The following ATAD1 variants were observed in gnomAD, a reference collection of about 807,000 sequenced individuals.
The protein encoded by ATAD1 is ATPase family AAA domain containing 1, also known as outer mitochondrial transmembrane helix translocase.
A neutral mutation model predicts 42.7 loss-of-function variants in ATAD1; 18 were observed. That is an observed-to-expected ratio of 0.42 (90% confidence interval 0.29 to 0.63). The LOEUF (loss-of-function observed/expected upper bound fraction) is 0.63, where lower values mean the gene tolerates loss of function less well. Among genes scored for constraint, ATAD1 ranks in the 20% least tolerant of loss-of-function variants. ATAD1 has a pLI of 0.19. For synonymous variants in ATAD1, 132 were observed against 143.1 expected (o/e 0.92, Z 0.55); for missense variants, 294 against 440.4 (o/e 0.67, Z 2.98).
At chr10:87,772,447 TAAAAA>T (rs1271829833) in intron 6 of ATAD1, among the ~76,000 whole-genome samples, 2 of 151,722 alleles carry the variant, frequency 1.3e-5, no homozygotes, top group Non-Finnish European at 2.9e-5. Context: ...ATAAAATTAA[TAAAAA>T]AGAAAAAATT....
At chr10:87,836,812 T>C (rs928219436) in intron 1 of ATAD1, among the ~76,000 whole-genome samples, 1 of 152,182 alleles carries the variant, frequency 6.6e-6, no homozygotes, top group Non-Finnish European at 1.5e-5. Context: ...ATATCATAAA[T>C]GTTAGATATT....
At chr10:87,824,681 T>C (rs1300467978) in intron 1 of ATAD1, among the ~76,000 whole-genome samples, 1 of 152,224 alleles carries the variant, frequency 6.6e-6, no homozygotes, top group African/African-American at 2.4e-5. Context: ...AGGACAATGA[T>C]CTTTTCATAT....
upstream of ATAD1, among the ~76,000 whole-genome samples, chr10:87,822,950 G>GA (rs962059195): frequency 3.2e-4 from 47 of 148,584 alleles, no homozygotes; most frequent in South Asian, 3.2e-3. Context: ...TTTAAAAAAT[G>GA]AAAAAAAAGC....
chr10:87,837,065 A>T (rs771763360), intron 1 of ATAD1, among the ~76,000 whole-genome samples: 1 of 151,976 alleles, frequency 6.6e-6, no homozygotes, highest in Non-Finnish European at 1.5e-5. Context: ...GAACTTTTTA[A>T]TCTTACGTTC....
At chr10:87,772,050 C>G (rs1855057989) in intron 6 of ATAD1, among the ~76,000 whole-genome samples, 1 of 152,106 alleles carries the variant, frequency 6.6e-6, no homozygotes, top group African/African-American at 2.4e-5. Flanking sequence ...CAATTACTTT[C>G]AATTAACTGT....
chr10:87,814,867 T>C, intron 1 of ATAD1: 1 of 225,366 alleles, frequency 4.4e-6, no homozygotes, highest in Non-Finnish European at 8.6e-6. Context: ...AATTAATCAT[T>C]TTATTTGAAA....
chr10:87,782,375 A>G (rs992629663), intron 5 of ATAD1, among the ~76,000 whole-genome samples: 1 of 152,238 alleles, frequency 6.6e-6, no homozygotes, highest in African/African-American at 2.4e-5. Context: ...TTAAATCCAG[A>G]AAAGACAAGA....
chr10:87,763,080 CAAAAAAA>C (rs71019501), intron 8 of ATAD1, among the ~76,000 whole-genome samples: 7 of 26,530 alleles, frequency 2.6e-4, no homozygotes, highest in African/African-American at 7.1e-4. Context: ...GACTCTGTCA[CAAAAAAA>C]AAAAAAAAAA....
At chr10:87,759,423 G>A (rs892917160) in intron 8 of ATAD1, among the ~76,000 whole-genome samples, 3 of 151,926 alleles carry the variant, frequency 2.0e-5, no homozygotes, top group Non-Finnish European at 2.9e-5. Context: ...AAGATAATGG[G>A]GCTATTTGTT....
chr10:87,808,233 A>G (rs1186743058), intron 2 of ATAD1, among the ~76,000 whole-genome samples: 2 of 152,022 alleles, frequency 1.3e-5, no homozygotes, highest in Non-Finnish European at 2.9e-5. Flanking sequence ...TTCTTTTCCA[A>G]TCCCCACCTT....
At chr10:87,841,209 C>T (rs564448856) in exon 1 of ATAD1, 2 of 152,210 alleles carry the variant, frequency 1.3e-5, no homozygotes, top group Admixed American at 6.5e-5. Context: ...GTGAATGAAC[C>T]TTGTTCCTGG....
Position 87,784,670 on chromosome 10 carries a change from C to A in ATAD1, c.383G>T (p.Gly128Val). The A allele has an allele frequency of 6.2e-7, 1 of 1,611,782 alleles. No individual in the cohort carries two copies. Among genetic ancestry groups the A allele is most frequent in the Non-Finnish European group, 8.5e-7 (1 of 1,179,346 alleles). Residue 128 changes from glycine to valine, a missense_variant and splice_region_variant, in exon 5 of 10, where the codon GGT (glycine) becomes GTT (valine). By Grantham distance (109) the Gly-to-Val change is moderately radical. Transcript: ENST00000680024. ...ENSRLLQPPK[G>V]VLLYGPPGCG... ...GCCTGGAGGCCCATAGAGAAGAACA[C>A]CTGGAAATGAATATGTTATTTATTA...
chr10:87,784,368 G>A (rs1855718164), intron 5 of ATAD1, 102 bp downstream of exon 5: 1 of 1,105,656 alleles, frequency 9.0e-7, no homozygotes, highest in Non-Finnish European at 1.3e-6. Context: ...TATGTTCTTT[G>A]TTTTATTAAC....
At position 87,818,186 on chromosome 10, in the gene ATAD1, G is replaced by C. The variant is rs1187588613; in HGVS notation, c.-33C>G. On this transcript the variant is annotated 5_prime_UTR_variant, in exon 1 of 10. Transcript: ENST00000680024. ...ACTCACCCAGGGGCAGAAACAGCAA[G>C]AGCAAGTGCCCTCAGCCGGCCTCAC... is the stretch of plus-strand genomic sequence containing the variant. 1.0e-6 allele frequency: 1 copy of C among 985,616 alleles called. No homozygotes were observed. Among genetic ancestry groups the C allele is most frequent in the South Asian group, 4.7e-5 (1 of 21,300 alleles). 61.1% of individuals were successfully genotyped at this position (985,616 alleles called of 1,614,324 possible).
intron 2 of ATAD1, among the ~76,000 whole-genome samples, chr10:87,798,255 G>A (rs1450394813): frequency 6.6e-6 from 1 of 152,072 alleles, no homozygotes; most frequent in Non-Finnish European, 1.5e-5. Context: ...AAAACCCTAG[G>A]CCACAGCTCA....
At chr10:87,805,286 T>C (rs1856871302) in intron 2 of ATAD1, among the ~76,000 whole-genome samples, 1 of 152,184 alleles carries the variant, frequency 6.6e-6, no homozygotes, top group Non-Finnish European at 1.5e-5. Context: ...TCCCATCTGG[T>C]AATACTTAAC....
At chr10:87,805,145 C>G (rs1856865606) in intron 2 of ATAD1, among the ~76,000 whole-genome samples, 1 of 152,184 alleles carries the variant, frequency 6.6e-6, no homozygotes, top group Non-Finnish European at 1.5e-5. Flanking sequence ...TACATCTAAG[C>G]TTTTAGATTC....
chr10:87,793,904 G>A (rs1856248564), intron 2 of ATAD1, among the ~76,000 whole-genome samples: 2 of 152,018 alleles, frequency 1.3e-5, no homozygotes, highest in Non-Finnish European at 2.9e-5. Flanking sequence ...GAATAGCTAG[G>A]AGGTTAGGAT....
intron 2 of ATAD1, among the ~76,000 whole-genome samples, chr10:87,805,795 C>G (rs1198513253): frequency 2.0e-5 from 3 of 151,604 alleles, no homozygotes; most frequent in Non-Finnish European, 4.4e-5. Flanking sequence ...TTTCCCCCAA[C>G]TCTAGAATGA....
Sources: gnomAD v4.1 joint callset for allele counts (sites outside exome capture counted in the v4.1 genomes callset) on GRCh38, gnomAD v4.1.1 for gene constraint, MANE v1.5 for transcripts, NCBI Gene and HGNC (gene_info 2026-07-23, HGNC 2026-07-21) for gene names.